CALN1: variants seen among roughly 807,000 people sequenced by gnomAD.
CALN1 encodes the protein calcium-binding protein 8.
A neutral mutation model predicts 30.6 loss-of-function variants in CALN1; 17 were observed. The ratio of observed to expected loss-of-function variants is 0.56; its 90% CI spans 0.38 to 0.83. The LOEUF (loss-of-function observed/expected upper bound fraction) is 0.83. Ranked by LOEUF, CALN1 falls within the 40% of genes least tolerant of loss-of-function variation. The probability of loss-of-function intolerance (pLI) is 0.00; values close to 1 mark genes in which losing one functional copy is unlikely to be tolerated. For missense variants in CALN1, 291 were observed against 354.9 expected (o/e 0.82, Z 1.45); for synonymous variants, 156 against 131.4 (o/e 1.19, Z -1.28).
intron 2 of CALN1, among the ~76,000 whole-genome samples, chr7:72,359,635 G>GA (rs2129559699): frequency 6.6e-6 from 1 of 152,160 alleles, no homozygotes; most frequent in East Asian, 1.9e-4. Context: ...CCAATCATGA[G>GA]AAAACCTCAT....
At chr7:71,788,485 TTTGTTG>T (rs1562777381) in intron 6 of CALN1, among the ~76,000 whole-genome samples, 2 of 142,642 alleles carry the variant, frequency 1.4e-5, no homozygotes, top group East Asian at 2.7e-4. Flanking sequence ...GAGGTTTTTT[TTTGTTG>T]TTTTTTTTTT....
At chr7:72,059,923 G>C (rs1303409051) in intron 4 of CALN1, among the ~76,000 whole-genome samples, 1 of 151,880 alleles carries the variant, frequency 6.6e-6, no homozygotes, top group Non-Finnish European at 1.5e-5. Flanking sequence ...CAGCTATTTG[G>C]GGATTCTGAG....
At chr7:71,930,219 G>A (rs1415485188) in intron 5 of CALN1, among the ~76,000 whole-genome samples, 1 of 152,180 alleles carries the variant, frequency 6.6e-6, no homozygotes, top group African/African-American at 2.4e-5. Flanking sequence ...CACGGATACA[G>A]AGTGCCAACT....
At chr7:71,901,755 C>T (rs896362905) in intron 5 of CALN1, among the ~76,000 whole-genome samples, 10 of 152,082 alleles carry the variant, frequency 6.6e-5, no homozygotes, top group Admixed American at 5.9e-4. Context: ...TCACCATATA[C>T]AAAAGTTAAC....
chr7:72,395,107 C>T (rs905556892), intron 2 of CALN1, among the ~76,000 whole-genome samples: 1 of 152,150 alleles, frequency 6.6e-6, no homozygotes, highest in African/African-American at 2.4e-5. Flanking sequence ...ACCTACCTCC[C>T]CAAGACCCTG....
chr7:72,485,927 T>G, the CALN1 span, among the ~76,000 whole-genome samples: 1 of 152,222 alleles, frequency 6.6e-6, no homozygotes, highest in African/African-American at 2.4e-5. Context: ...AGTCATATGT[T>G]GCTTAACAGT....
At chr7:72,184,915 T>C (rs1790073377) in intron 3 of CALN1, among the ~76,000 whole-genome samples, 2 of 152,058 alleles carry the variant, frequency 1.3e-5, no homozygotes. Context: ...TCTCAGCCTC[T>C]TGAGTAGCTG....
At chr7:72,345,382 A>G (rs1802588586) in intron 2 of CALN1, among the ~76,000 whole-genome samples, 1 of 138,870 alleles carries the variant, frequency 7.2e-6, no homozygotes, top group East Asian at 2.1e-4. Flanking sequence ...GGAGAAAGAA[A>G]AAAGGAAAAG....
chr7:72,135,132 G>T (rs1197009234), intron 3 of CALN1, among the ~76,000 whole-genome samples: 1 of 152,108 alleles, frequency 6.6e-6, no homozygotes, highest in Non-Finnish European at 1.5e-5. Flanking sequence ...CACCACATCT[G>T]CAGCGACTTC....
intron 5 of CALN1, among the ~76,000 whole-genome samples, chr7:71,876,403 C>A (rs1470643553): frequency 6.6e-6 from 1 of 150,856 alleles, no homozygotes; most frequent in Non-Finnish European, 1.5e-5. Flanking sequence ...CATCGTGTTA[C>A]AAAACTTTGT....
intron 2 of CALN1, among the ~76,000 whole-genome samples, chr7:72,289,492 T>C (rs1269634025): frequency 6.6e-6 from 1 of 152,176 alleles, no homozygotes; most frequent in Non-Finnish European, 1.5e-5. Context: ...TAGCACTTGG[T>C]CTCAAAAAGA....
intron 4 of CALN1, among the ~76,000 whole-genome samples, chr7:72,045,651 C>A (rs1364524881): frequency 6.6e-6 from 1 of 152,106 alleles, no homozygotes; most frequent in Admixed American, 6.5e-5. Context: ...GCCTCAGCCT[C>A]CTAAGTAGCT....
chr7:72,037,587 A>G (rs1042947646), intron 4 of CALN1, among the ~76,000 whole-genome samples: 5 of 152,242 alleles, frequency 3.3e-5, no homozygotes, highest in African/African-American at 1.2e-4. Context: ...GGAAGGAAAC[A>G]CTGCAATCAT....
In CALN1 at chr7:71,837,119, C is replaced by T. The variant is rs187420272; in HGVS notation, c.502-26627G>A. On this transcript the variant is annotated intron_variant, in intron 5 of 6. Transcript: ENST00000395275. ...TGGTAGCACGGGCCTGTAATCCCAG[C>T]TATTCAGGAGGCTGAGGCACGAGAA... Among the ~76,000 whole-genome samples, 34 of 151,278 alleles carry T rather than the reference C, an allele frequency of 2.2e-4. 1 individual carries two copies. The East Asian group carries it at 6.8e-3, about 30-fold the overall frequency.
At chr7:72,336,531 G>T (rs1487190183) in intron 2 of CALN1, among the ~76,000 whole-genome samples, 1 of 152,124 alleles carries the variant, frequency 6.6e-6, no homozygotes, top group African/African-American at 2.4e-5. Flanking sequence ...GGGTGCCCCA[G>T]TGTCGGAGCC....
chr7:72,165,976 C>G (rs1241683486), intron 3 of CALN1, among the ~76,000 whole-genome samples: 3 of 152,082 alleles, frequency 2.0e-5, no homozygotes, highest in African/African-American at 7.2e-5. Context: ...TGTAATAGAC[C>G]TTTTTAGGTG....
At chr7:72,343,278 C>T (rs1425397156) in intron 2 of CALN1, among the ~76,000 whole-genome samples, 5 of 152,170 alleles carry the variant, frequency 3.3e-5, no homozygotes, top group Admixed American at 3.3e-4. Flanking sequence ...CAATGGTCAG[C>T]TGGGTGCGGT....
intron 3 of CALN1, among the ~76,000 whole-genome samples, chr7:72,129,990 A>G (rs1452044145): frequency 1.3e-5 from 2 of 152,146 alleles, no homozygotes; most frequent in Non-Finnish European, 2.9e-5. Flanking sequence ...GCCCTCCCTC[A>G]GGGGTGAGTG....
At chr7:71,931,077 A>AT (rs1795525744) in intron 5 of CALN1, among the ~76,000 whole-genome samples, 1 of 152,260 alleles carries the variant, frequency 6.6e-6, no homozygotes, top group Non-Finnish European at 1.5e-5. Context: ...GAGAAAACAA[A>AT]TTTCCAAAAA....
Sources: allele counts gnomAD v4.1 joint callset (sites outside exome capture counted in the v4.1 genomes callset), GRCh38; gene constraint gnomAD v4.1.1; transcripts MANE v1.5; gene names NCBI Gene and HGNC (gene_info 2026-07-23, HGNC 2026-07-21).